TRPC4AP: variants seen among roughly 807,000 people sequenced by gnomAD.
TRPC4AP encodes transient receptor potential cation channel subfamily C member 4 associated protein, also known as short transient receptor potential channel 4-associated protein.
A neutral mutation model predicts 99.0 loss-of-function variants in TRPC4AP; 45 were observed. The ratio of observed to expected loss-of-function variants is 0.45; its 90% confidence interval spans 0.36 to 0.58. TRPC4AP has a LOEUF of 0.58. TRPC4AP is among the 20% of genes least tolerant of loss of function. TRPC4AP has a pLI of 0.00. For missense variants in TRPC4AP, 879 were observed against 985.3 expected, an observed-to-expected ratio of 0.89 and a Z score of 1.44; for synonymous variants, 408 against 385.8, an observed-to-expected ratio of 1.06 and a Z score of -0.67.
chr20:35,059,887 A>G (rs530146835), intron 3 of TRPC4AP, among the ~76,000 whole-genome samples: 2 of 145,410 alleles, frequency 1.4e-5, no homozygotes, highest in African/African-American at 5.1e-5. Flanking sequence ...ACGAAGACAA[A>G]GATGAAGATG....
chr20:35,005,296 C>T (rs1569076339), intron 16 of TRPC4AP, among the ~76,000 whole-genome samples: 1 of 152,118 alleles, frequency 6.6e-6, no homozygotes, highest in Non-Finnish European at 1.5e-5. Flanking sequence ...AAGCCCTCTC[C>T]TAGGAAAAAA....
chr20:35,086,762 C>T (rs1276534814), intron 1 of TRPC4AP, among the ~76,000 whole-genome samples: 3 of 151,878 alleles, frequency 2.0e-5, no homozygotes, highest in Non-Finnish European at 4.4e-5. Context: ...TGGCTGGGCA[C>T]GGCGACTCAC....
intron 10 of TRPC4AP, among the ~76,000 whole-genome samples, chr20:35,014,370 T>C (rs1600512837): frequency 7.7e-6 from 1 of 129,828 alleles, no homozygotes; most frequent in South Asian, 2.5e-4. Context: ...CAGGCTGGAG[T>C]GCAGTGGCGT....
Position 35,057,589 on chromosome 20 carries a change from T to C in TRPC4AP, c.415-18A>G, listed in dbSNP as rs761699628. On this transcript the variant is annotated intron_variant, in intron 3 of 18. Transcript: ENST00000252015. Reference sequence around the variant, plus strand: ...ACAAGAAGCTATAAAAAAAATTAGATAAAATCTTCAAAATTAATTCAAAGT... The same window carrying C: ...ACAAGAAGCTATAAAAAAAATTAGACAAAATCTTCAAAATTAATTCAAAGT... 6.9e-6 allele frequency: 11 copies of C among 1,587,466 alleles called. No homozygotes were observed. The highest frequency in any genetic ancestry group is 2.7e-5 in the African/African-American group (2 of 74,110).
intron 1 of TRPC4AP, among the ~76,000 whole-genome samples, chr20:35,086,519 GTA>G (rs1179723943): frequency 0.042 from 1,414 of 33,488 alleles, 133 homozygotes; most frequent in African/African-American, 0.097. Flanking sequence ...GTGTGTGTGT[GTA>G]TATATGTGTG....
intron 1 of TRPC4AP, among the ~76,000 whole-genome samples, chr20:35,078,810 A>G (rs1012011769): frequency 5.3e-5 from 8 of 152,236 alleles, no homozygotes; most frequent in Non-Finnish European, 1.2e-4. Context: ...TCACACCTGT[A>G]ATCCCAACAC....
chr20:35,016,109 T>G lies in TRPC4AP; in HGVS notation c.1249A>C (p.Ile417Leu), dbSNP rs1443763128. ...TCAAACAAATTATTAAGTCCAGGGA[T>G]CAGCTTGAACTCTGCAATCATTCTG... is the stretch of plus-strand genomic sequence containing the variant. ...VHRMIAEFKL[I>L]PGLNNLFDKL... The change falls in exon 10 of 19, where the codon ATC becomes CTC. Residue 417 changes from isoleucine to leucine, a missense_variant. Physicochemically the swap from Ile to Leu is conservative, Grantham distance 5. Coordinates refer to ENST00000252015, the MANE Select transcript of TRPC4AP (RefSeq NM_015638.3). The G allele has an allele frequency of 6.2e-7, 1 of 1,614,174 alleles. No individual in the cohort carries two copies. The highest frequency in any genetic ancestry group is 8.5e-7 in the Non-Finnish European group (1 of 1,180,032).
chr20:35,045,764 T>C (rs1054183071), intron 6 of TRPC4AP, among the ~76,000 whole-genome samples: 1 of 152,108 alleles, frequency 6.6e-6, no homozygotes, highest in Non-Finnish European at 1.5e-5. Context: ...GGTCTTGAAC[T>C]CCTGACCTCA....
intron 7 of TRPC4AP, among the ~76,000 whole-genome samples, chr20:35,039,966 A>C (rs2083409759): frequency 1.3e-5 from 2 of 151,502 alleles, no homozygotes; most frequent in Admixed American, 1.3e-4. Context: ...GTAAATCATT[A>C]TTTTTGCTAG....
intron 1 of TRPC4AP, among the ~76,000 whole-genome samples, chr20:35,089,387 T>G (rs1294856641): frequency 8.0e-6 from 1 of 125,482 alleles, no homozygotes; most frequent in African/African-American, 3.1e-5. Flanking sequence ...TTTCCACACC[T>G]GGTTAATGTT....
chr20:35,076,695 A>C (rs903329334), intron 2 of TRPC4AP, among the ~76,000 whole-genome samples: 4 of 152,192 alleles, frequency 2.6e-5, no homozygotes, highest in African/African-American at 9.6e-5. Flanking sequence ...TCTCCCAGTT[A>C]GGCTACTCAG....
chr20:35,092,580 G>T, intron 1 of TRPC4AP, 34 bp downstream of exon 1: 2 of 618,726 alleles, frequency 3.2e-6, no homozygotes, highest in Non-Finnish European at 4.7e-6. Context: ...CGCCTGGTCC[G>T]CCCCGCCCCG....
chr20:35,081,366 A>G (rs1290633687), intron 1 of TRPC4AP, among the ~76,000 whole-genome samples: 1 of 151,644 alleles, frequency 6.6e-6, no homozygotes, highest in Non-Finnish European at 1.5e-5. Flanking sequence ...AAAAAAAAAA[A>G]AATTAGGCAT....
rs35461400 is a variant in TRPC4AP at position 35,089,395 on chromosome 20, G to GT, written c.168+3218dup. Reference sequence around the variant, plus strand: ...GCATGCATTTCCACACCTGGTTAATGTTTTTTTTTTTTTTTTTTGTAGTAG... The same window carrying GT: ...GCATGCATTTCCACACCTGGTTAATGTTTTTTTTTTTTTTTTTTTGTAGTAG... On this transcript the variant is annotated intron_variant, in intron 1 of 18. Coordinates refer to ENST00000252015, the MANE Select transcript of TRPC4AP (RefSeq NM_015638.3). Among the ~76,000 whole-genome samples the GT allele has an allele frequency of 1.3e-3, 175 of 130,300 alleles. 1 individual carries two copies. The highest frequency in any genetic ancestry group is 1.9e-3 in the South Asian group (8 of 4,152). 85.5% of individuals were successfully genotyped at this position (130,300 alleles called of 152,430 possible). A position where few individuals can be genotyped will look rare whatever the true frequency, so the allele number is the denominator to read the frequency against.
chr20:35,043,922 A>AG (rs2083498302), intron 7 of TRPC4AP, among the ~76,000 whole-genome samples: 1 of 152,210 alleles, frequency 6.6e-6, no homozygotes, highest in Non-Finnish European at 1.5e-5. Flanking sequence ...GAGACTTAGT[A>AG]GATCAAAAAG....
intron 5 of TRPC4AP, among the ~76,000 whole-genome samples, chr20:35,050,706 C>G (rs1372605350): frequency 8.1e-6 from 1 of 123,300 alleles, no homozygotes. Context: ...GAGGGAGACC[C>G]TAACTCAAAA....
chr20:35,060,960 A>G (rs1329702159), intron 3 of TRPC4AP, among the ~76,000 whole-genome samples: 1 of 152,198 alleles, frequency 6.6e-6, no homozygotes, highest in African/African-American at 2.4e-5. Flanking sequence ...CGCCACTTCA[A>G]TTTAACATTG....
chr20:35,072,661 A>G (rs1304321214), intron 2 of TRPC4AP, among the ~76,000 whole-genome samples: 1 of 152,166 alleles, frequency 6.6e-6, no homozygotes, highest in East Asian at 1.9e-4. Flanking sequence ...TGGTAATAGT[A>G]CCATGCTGTT....
intron 5 of TRPC4AP, among the ~76,000 whole-genome samples, chr20:35,052,680 C>T (rs1039133567): frequency 4.0e-5 from 6 of 151,686 alleles, no homozygotes; most frequent in South Asian, 2.1e-4. Flanking sequence ...TTAGTACAGA[C>T]GGGGTTTCAC....
Sources: gnomAD v4.1 joint callset for allele counts (sites outside exome capture counted in the v4.1 genomes callset) on GRCh38, gnomAD v4.1.1 for gene constraint, MANE v1.5 for transcripts, NCBI Gene and HGNC (gene_info 2026-07-23, HGNC 2026-07-21) for gene names.